Variants in LDLRAD3 observed in about 807,000 individuals in gnomAD.
LDLRAD3 encodes low density lipoprotein receptor class A domain containing 3, also known as low-density lipoprotein receptor class A domain-containing protein 3.
Under a neutral mutation model 29.4 loss-of-function variants are expected in LDLRAD3, and 20 were observed. That is an observed-to-expected ratio of 0.68 (90% CI 0.48 to 0.99). LDLRAD3 has a LOEUF of 0.99. LDLRAD3 is among the 50% of genes least tolerant of loss of function. The pLI, the probability that LDLRAD3 is intolerant of heterozygous loss-of-function variation, is 0.00. For synonymous variants in LDLRAD3, 157 were observed against 192.7 expected (o/e 0.81, Z 1.53); for missense variants, 420 against 454.3 (o/e 0.92, Z 0.69).
At chr11:36,089,252 T>C (rs934411213) in intron 3 of LDLRAD3, among the ~76,000 whole-genome samples, 1 of 152,178 alleles carries the variant, frequency 6.6e-6, no homozygotes, top group Non-Finnish European at 1.5e-5. Context: ...GATGATCTCA[T>C]TTTAGGTAGA....
chr11:36,152,328 T>C (rs1333890923), intron 4 of LDLRAD3, among the ~76,000 whole-genome samples: 1 of 152,198 alleles, frequency 6.6e-6, no homozygotes, highest in Non-Finnish European at 1.5e-5. Context: ...GAAAGACCAT[T>C]AGAGGTTTAT....
chr11:36,153,748 T>C (rs1199723332), intron 4 of LDLRAD3, among the ~76,000 whole-genome samples: 11 of 152,220 alleles, frequency 7.2e-5, no homozygotes, highest in Admixed American at 7.2e-4. Context: ...TGCAGCTATG[T>C]GCATATTTAT....
chr11:35,983,689 G>GCACCCA (rs1355771181), intron 1 of LDLRAD3, among the ~76,000 whole-genome samples: 15 of 152,272 alleles, frequency 9.9e-5, no homozygotes, highest in African/African-American at 3.6e-4. Flanking sequence ...GGAGTGTAGT[G>GCACCCA]GTGCGATCTC....
chr11:36,140,997 TCTCTCTCTC>T (rs1565252516), intron 4 of LDLRAD3, among the ~76,000 whole-genome samples: 3,013 of 104,702 alleles, frequency 0.029, 96 homozygotes, highest in African/African-American at 0.1. Flanking sequence ...GAGCTTTCTC[TCTCTCTCTC>T]TCTCTCTCTC....
intron 1 of LDLRAD3, among the ~76,000 whole-genome samples, chr11:35,958,594 C>T (rs986831719): frequency 1.3e-5 from 2 of 152,180 alleles, no homozygotes; most frequent in Non-Finnish European, 2.9e-5. Flanking sequence ...TCTCAGGACT[C>T]CTGGGTGCCT....
intron 2 of LDLRAD3, among the ~76,000 whole-genome samples, chr11:36,078,878 C>T (rs11033404): frequency 0.16 from 24,194 of 152,158 alleles, 2,156 homozygotes; most frequent in East Asian, 0.35. Flanking sequence ...CCCAGTCAAC[C>T]CCACACAAAT....
intron 1 of LDLRAD3, among the ~76,000 whole-genome samples, chr11:36,025,730 A>G (rs61879140): frequency 0.082 from 11,653 of 141,740 alleles, 493 homozygotes; most frequent in South Asian, 0.15. Flanking sequence ...GAAGTTCATT[A>G]TGTACGATCC....
intron 4 of LDLRAD3, among the ~76,000 whole-genome samples, chr11:36,100,956 T>C (rs1004336775): frequency 1.3e-5 from 2 of 152,230 alleles, no homozygotes; most frequent in African/African-American, 4.8e-5. Context: ...TTAAAGCTCC[T>C]ATTTTTTTAA....
At chr11:36,184,480 GT>G (rs1854816511) in intron 4 of LDLRAD3, among the ~76,000 whole-genome samples, 1 of 152,116 alleles carries the variant, frequency 6.6e-6, no homozygotes, top group Non-Finnish European at 1.5e-5. Flanking sequence ...CCAGTACTTA[GT>G]ATTTTTGACT....
At chr11:36,047,514 GA>G (rs1164195372) in intron 2 of LDLRAD3, among the ~76,000 whole-genome samples, 1 of 152,164 alleles carries the variant, frequency 6.6e-6, no homozygotes, top group Non-Finnish European at 1.5e-5. Context: ...TGGCATCTTG[GA>G]TTCAATGAAA....
At chr11:36,128,567 G>A (rs892835683) in intron 4 of LDLRAD3, among the ~76,000 whole-genome samples, 1 of 152,188 alleles carries the variant, frequency 6.6e-6, no homozygotes, top group African/African-American at 2.4e-5. Flanking sequence ...AACCACTCTA[G>A]GCTGGGCACG....
chr11:36,085,409 C>A (rs1050560501), intron 3 of LDLRAD3, among the ~76,000 whole-genome samples: 1 of 142,404 alleles, frequency 7.0e-6, no homozygotes, highest in Non-Finnish European at 1.5e-5. Context: ...GGTATAATTT[C>A]TTTGAGTTTA....
chr11:36,039,329 C>T (rs1852351276), intron 2 of LDLRAD3, among the ~76,000 whole-genome samples: 1 of 152,090 alleles, frequency 6.6e-6, no homozygotes, highest in Non-Finnish European at 1.5e-5. Flanking sequence ...TTGAGAAGGC[C>T]GATTTGTGTC....
intron 4 of LDLRAD3, among the ~76,000 whole-genome samples, chr11:36,123,015 C>G (rs1286260436): frequency 6.6e-6 from 1 of 151,906 alleles, no homozygotes; most frequent in Non-Finnish European, 1.5e-5. Flanking sequence ...GTCTCTACAA[C>G]AACAACAACA....
Position 36,026,410 on chromosome 11 carries a change from A to G in LDLRAD3, c.47-9693A>G, listed in dbSNP as rs536120908. On this transcript the variant is annotated intron_variant, in intron 1 of 5. Transcript: ENST00000315571. ...TGTGCACATATACATGTTTGTCCCTAGGCCTAGGGTATCTATTAGGATTGG... is the reference window on the plus strand; with the variant it reads ...TGTGCACATATACATGTTTGTCCCTGGGCCTAGGGTATCTATTAGGATTGG... Among the ~76,000 whole-genome samples the G allele has an allele frequency of 2.9e-3, 442 of 152,286 alleles. 5 individuals are homozygous for G. The highest frequency in any genetic ancestry group is 8.3e-3 in the South Asian group (40 of 4,826).
intron 1 of LDLRAD3, among the ~76,000 whole-genome samples, chr11:36,022,667 A>G (rs1223567292): frequency 2.0e-5 from 3 of 152,184 alleles, no homozygotes; most frequent in Admixed American, 6.5e-5. Context: ...AATTCAGTGT[A>G]TGGGCTCCAG....
intron 1 of LDLRAD3, among the ~76,000 whole-genome samples, chr11:35,946,515 G>A (rs974045895): frequency 6.6e-6 from 1 of 152,074 alleles, no homozygotes; most frequent in Non-Finnish European, 1.5e-5. Context: ...GATTTTCACC[G>A]TTACTATTTT....
chr11:36,022,978 C>T (rs1320947176), intron 1 of LDLRAD3, among the ~76,000 whole-genome samples: 1 of 152,176 alleles, frequency 6.6e-6, no homozygotes, highest in Non-Finnish European at 1.5e-5. Flanking sequence ...GTACAAACAT[C>T]ATTTGCTCAA....
Position 36,203,960 on chromosome 11 carries a change from A to G in LDLRAD3, c.455-23125A>G, listed in dbSNP as rs530462181. Reference sequence around the variant, plus strand: ...GAGGGGCCAGGATGGGCCCCAGTGAATGCTGGTTCCACGGCACTTTTCCAA... The same window carrying G: ...GAGGGGCCAGGATGGGCCCCAGTGAGTGCTGGTTCCACGGCACTTTTCCAA... On this transcript the variant is annotated intron_variant, in intron 4 of 5. Transcript: ENST00000315571. Among the ~76,000 whole-genome samples the G allele has an allele frequency of 3.3e-5, 5 of 152,098 alleles. No homozygotes were observed. In the East Asian group the frequency reaches 9.7e-4, roughly 30 times the overall value.
Sources: gnomAD v4.1 joint callset for allele counts (sites outside exome capture counted in the v4.1 genomes callset) on GRCh38, gnomAD v4.1.1 for gene constraint, MANE v1.5 for transcripts, NCBI Gene and HGNC (gene_info 2026-07-23, HGNC 2026-07-21) for gene names.